KMT2C: variants seen among roughly 807,000 people sequenced by gnomAD.
KMT2C encodes histone-lysine N-methyltransferase 2C.
In KMT2C, 88 loss-of-function variants were observed where a neutral mutation model predicts 507.9. The ratio of observed to expected loss-of-function variants is 0.17; its 90% CI spans 0.15 to 0.21. The LOEUF (loss-of-function observed/expected upper bound fraction) is 0.21. Ranked by LOEUF, KMT2C falls within the 10% of genes least tolerant of loss-of-function variation. The pLI, the probability that KMT2C is intolerant of heterozygous loss-of-function variation, is 1.00. For missense variants in KMT2C, 4,954 were observed against 5,957.8 expected (o/e 0.83, Z 5.55); for synonymous variants, 2,049 against 2,080.8 (o/e 0.98, Z 0.42).
chr7:152,398,110 C>A, intron 1 of KMT2C, among the ~76,000 whole-genome samples: 1 of 152,164 alleles, frequency 6.6e-6, no homozygotes, highest in Non-Finnish European at 1.5e-5. Flanking sequence ...CAGACACACT[C>A]AGTACAGTAC....
In KMT2C at chr7:152,138,747, T is replaced by C. The variant is rs751146160; in HGVS notation, c.14643+49A>G. The stretch of plus-strand genomic sequence containing the variant: ...GTGACCTGTGTGAGGAGGGAACTAT[T>C]CGCCCAGGATCTGAACAACATGGCA... On this transcript the variant is annotated intron_variant, in intron 58 of 58. Transcript: ENST00000262189. The surrounding 1 kb of genome is among the most constrained non-coding windows in gnomAD (Gnocchi z 4.2). 38 of 1,136,536 alleles carry C rather than the reference T, an allele frequency of 3.3e-5. 1 individual carries two copies. The highest frequency in any genetic ancestry group is 2.0e-4 in the Middle Eastern group (1 of 4,956). 70.4% of individuals were successfully genotyped at this position (1,136,536 alleles called of 1,614,324 possible).
chr7:152,148,807 G>T lies in KMT2C; in HGVS notation c.13120C>A (p.Pro4374Thr). 6.2e-7 allele frequency: 1 copy of T among 1,614,168 alleles called. No homozygotes were observed. Among genetic ancestry groups the T allele is most frequent in the Non-Finnish European group, 8.5e-7 (1 of 1,180,036 alleles). ...IVIPKGTFKPPCEDEIDEFLK... is the reference protein window; with the variant it reads ...IVIPKGTFKPTCEDEIDEFLK... ...AATTCATCTATTTCATCCTCACAAG[G>T]TGGTTTAAATGTCCCCTTAGGGATT... Residue 4374 changes from proline (P) to threonine (T), a missense_variant, in exon 52 of 59, where the codon CCT becomes ACT. By Grantham distance (38) the Pro-to-Thr change is conservative. Coordinates refer to ENST00000262189, the MANE Select transcript of KMT2C (RefSeq NM_170606.3). The surrounding 1 kb of genome is among the most constrained non-coding windows in gnomAD (Gnocchi z 7.1).
chr7:152,204,269 G>A (rs1014945867), intron 25 of KMT2C, among the ~76,000 whole-genome samples: 30 of 152,118 alleles, frequency 2.0e-4, no homozygotes, highest in African/African-American at 5.6e-4. Context: ...CAGCACTCCA[G>A]CCTGGGTAAC....
chr7:152,268,201 C>T (rs1026804433), intron 7 of KMT2C, among the ~76,000 whole-genome samples: 11 of 152,148 alleles, frequency 7.2e-5, no homozygotes, highest in African/African-American at 2.7e-4. Context: ...ATCGCTTGAA[C>T]TCGGGAGGTG....
intron 26 of KMT2C, among the ~76,000 whole-genome samples, chr7:152,201,289 C>CACAG (rs1456356426): frequency 1.5e-5 from 2 of 132,112 alleles, no homozygotes; most frequent in African/African-American, 3.4e-5. Context: ...CACATACAGA[C>CACAG]ACAGACACAC....
At position 152,138,716 on chromosome 7, in the gene KMT2C, G is replaced by T; in HGVS notation, c.14643+80C>A. ...CACAACAAAGAATTGGGAAACAAGTGAGTAAGTGACCTGTGTGAGGAGGGA... is the reference window on the plus strand; with the variant it reads ...CACAACAAAGAATTGGGAAACAAGTTAGTAAGTGACCTGTGTGAGGAGGGA... On this transcript the variant is annotated intron_variant, in intron 58 of 58. Coordinates refer to ENST00000262189, the MANE Select transcript of KMT2C (RefSeq NM_170606.3). This position sits in a 1 kb window ranked among gnomAD's most constrained non-coding sequence, Gnocchi z 4.2. The T allele has an allele frequency of 2.3e-6, 2 of 861,190 alleles. No individual in the cohort carries two copies. The highest frequency in any genetic ancestry group is 3.7e-6 in the Non-Finnish European group (2 of 537,760). 53.3% of individuals were successfully genotyped at this position (861,190 alleles called of 1,614,324 possible).
chr7:152,252,059 C>G lies in KMT2C; in HGVS notation c.1501G>C (p.Asp501His), dbSNP rs1031187427. The G allele has an allele frequency of 6.2e-7, 1 of 1,611,572 alleles. No homozygotes were observed. The highest frequency in any genetic ancestry group is 1.3e-5 in the African/African-American group (1 of 74,842). ...WVHLECDKPT[D>H]HELDTQLKEE... Reference sequence around the variant, plus strand: ...TTGAGCTGAGTATCCAGTTCATGATCTGTTGGTTTGTCACACTCTAGGTGA... The same window carrying G: ...TTGAGCTGAGTATCCAGTTCATGATGTGTTGGTTTGTCACACTCTAGGTGA... The change falls in exon 11 of 59, where the codon GAT becomes CAT. Residue 501 changes from aspartate (D) to histidine (H), a missense_variant. Physicochemically the swap from Asp to His is moderately conservative, Grantham distance 81. Transcript: ENST00000262189.
Position 152,251,986 on chromosome 7 carries a change from T to C in KMT2C, c.1574A>G (p.Asp525Gly), listed in dbSNP as rs140522381. 1.2e-6 allele frequency: 2 copies of C among 1,613,054 alleles called. No homozygotes were observed. Among genetic ancestry groups the C allele is most frequent in the South Asian group, 1.1e-5 (1 of 90,778 alleles). The change falls in exon 11 of 59, where the codon GAT becomes GGT. Residue 525 changes from aspartate to glycine, a missense_variant. Transcript: ENST00000262189. ...MYCKHLGAEM[D>G]RLQPGEEVEI... is the part of the protein sequence containing the mutation. Reference sequence around the variant, plus strand: ...CACTTCCTCACCTGGCTGTAAACGATCCATCTCAGCTCCCAGGTGTTTACA... The same window carrying C: ...CACTTCCTCACCTGGCTGTAAACGACCCATCTCAGCTCCCAGGTGTTTACA...
chr7:152,274,503 A>G (rs1296947869), intron 6 of KMT2C, among the ~76,000 whole-genome samples: 3 of 152,364 alleles, frequency 2.0e-5, no homozygotes, highest in African/African-American at 7.2e-5. Context: ...GCAAGTGGTA[A>G]AACGCACAGA....
rs2089908369 is a variant in KMT2C at position 152,136,769 on chromosome 7, A to G, written c.*63T>C. The G allele has an allele frequency of 5.3e-6, 6 of 1,122,192 alleles. No homozygotes were observed. The highest frequency in any genetic ancestry group is 3.1e-5 in the African/African-American group (2 of 65,072). The allele number at this position is 1,122,192 out of a possible 1,614,324, so 69.5% of individuals were successfully genotyped here. A position where few individuals can be genotyped will look rare whatever the true frequency, so the allele number is the denominator to read the frequency against. On this transcript the variant is annotated 3_prime_UTR_variant, in exon 59 of 59. Transcript: ENST00000262189. ...ATCTCTTTCTGTCTGCAAAATTCCA[A>G]TGGTGTGTTGAATCGCCTCTTCCTA... is the stretch of plus-strand genomic sequence containing the variant.
chr7:152,297,591 GA>G lies in KMT2C; in HGVS notation c.849+12374del, dbSNP rs553048946. ...CATGGAACATTCAACAGAGTCCACA[GA>G]AAGTCTTGCCTCAGTGGTGAGGAAT... On this transcript the variant is annotated intron_variant, in intron 6 of 58. Transcript: ENST00000262189. 2.0e-4 allele frequency among the ~76,000 whole-genome samples: 31 copies of G among 152,326 alleles called. No homozygotes were observed. The South Asian group carries it at 6.0e-3, about 30-fold the overall frequency.
chr7:152,409,865 C>CT (rs2097663301), intron 1 of KMT2C, among the ~76,000 whole-genome samples: 1 of 151,946 alleles, frequency 6.6e-6, no homozygotes, highest in Admixed American at 6.6e-5. Flanking sequence ...ACCCCTCAAA[C>CT]TTGCAATGCT....
rs1478396889 is a variant in KMT2C at position 152,221,117 on chromosome 7, C to T, written c.3500-382G>A. ...CTAAAAATACAACAAATTAGCCAGG[C>T]GTGGTGGCGGGCACCTGTAATCCCA... is the stretch of plus-strand genomic sequence containing the variant. On this transcript the variant is annotated intron_variant, in intron 22 of 58. Coordinates refer to ENST00000262189, the MANE Select transcript of KMT2C (RefSeq NM_170606.3). Among the ~76,000 whole-genome samples, 4 of 152,166 alleles carry T rather than the reference C, an allele frequency of 2.6e-5. 1 individual carries two copies. The highest frequency in any genetic ancestry group is 4.2e-4 in the South Asian group (2 of 4,810).
chr7:152,333,520 T>C (rs1222832642), intron 2 of KMT2C, among the ~76,000 whole-genome samples: 3 of 152,100 alleles, frequency 2.0e-5, no homozygotes, highest in African/African-American at 7.2e-5. Context: ...CACTAACTCC[T>C]CTCCTGAGTT....
intron 7 of KMT2C, among the ~76,000 whole-genome samples, chr7:152,272,849 A>C (rs778923823): frequency 3.9e-5 from 6 of 152,192 alleles, no homozygotes; most frequent in Non-Finnish European, 7.4e-5. Flanking sequence ...TACGTTTCAC[A>C]GACCTGGAGA....
In KMT2C at chr7:152,224,551, C is replaced by T; in HGVS notation, c.3042G>A (p.Gly1014=). The change falls in exon 19 of 59, where the codon GGG becomes GGA. Residue 1014 remains glycine (G), a synonymous_variant. Coordinates refer to ENST00000262189, the MANE Select transcript of KMT2C (RefSeq NM_170606.3). ...GGAGTCTTCCTGGGTCAGTTGCCTT[C>T]CCACAGGCCTCACACACAGTGCACT... ...CLECTVCEAC[G]KATDPGRLLL... The T allele has an allele frequency of 1.2e-6, 2 of 1,608,412 alleles. No individual in the cohort carries two copies. Among genetic ancestry groups the T allele is most frequent in the Non-Finnish European group, 1.7e-6 (2 of 1,176,642 alleles).
rs560667024 is a variant in KMT2C at position 152,210,342 on chromosome 7, T to TG, written c.3713-2915_3713-2914insC. Among the ~76,000 whole-genome samples, 252 of 152,274 alleles carry TG rather than the reference T, an allele frequency of 1.7e-3. 2 individuals carry two copies. Among genetic ancestry groups the TG allele is most frequent in the Admixed American group, 4.3e-3 (66 of 15,304 alleles). The stretch of plus-strand genomic sequence containing the variant: ...ACAGAAAGCTTTCTAATCAACTACT[T>TG]AATTCCTTTTTTAAAAAATAAAAAT... On this transcript the variant is annotated intron_variant, in intron 23 of 58. Transcript: ENST00000262189.
chr7:152,381,582 C>T (rs1390391918), intron 1 of KMT2C, among the ~76,000 whole-genome samples: 2 of 152,230 alleles, frequency 1.3e-5, no homozygotes, highest in African/African-American at 4.8e-5. Flanking sequence ...TATTTCTGTT[C>T]TACAATAGAG....
chr7:152,367,355 G>T, intron 1 of KMT2C: 1 of 773,212 alleles, frequency 1.3e-6, no homozygotes, highest in South Asian at 1.5e-5. Context: ...AGACACCCCA[G>T]GGAGCACCTA....
Sources: allele counts gnomAD v4.1 joint callset (sites outside exome capture counted in the v4.1 genomes callset), GRCh38; gene constraint gnomAD v4.1.1; non-coding constraint Gnocchi (gnomAD v3.1); transcripts MANE v1.5; gene names NCBI Gene and HGNC (gene_info 2026-07-23, HGNC 2026-07-21).